Variants in PDHX observed in about 807,000 individuals in gnomAD.
PDHX encodes the protein pyruvate dehydrogenase complex component X, also known as pyruvate dehydrogenase protein X component, mitochondrial.
Under a neutral mutation model 55.3 loss-of-function variants are expected in PDHX, and 33 were observed. That is an observed-to-expected ratio of 0.60 (90% CI 0.45 to 0.80). The LOEUF is 0.80. Ranked by LOEUF, PDHX falls within the 30% of genes least tolerant of loss-of-function variation. The pLI is 0.00. For missense variants in PDHX, 622 were observed against 619.9 expected, an observed-to-expected ratio of 1.00 and a Z score of -0.04; for synonymous variants, 226 against 219.4, an observed-to-expected ratio of 1.03 and a Z score of -0.27.
chr11:34,916,328 T>C, upstream of PDHX: 1 of 1,606,014 alleles, frequency 6.2e-7, no homozygotes, highest in South Asian at 1.1e-5. Flanking sequence ...TCCGCACGGC[T>C]TTGCGCGCGG....
chr11:34,993,386 T>C (rs1254817329), intron 10 of PDHX, among the ~76,000 whole-genome samples: 1 of 152,180 alleles, frequency 6.6e-6, no homozygotes, highest in Non-Finnish European at 1.5e-5. Context: ...CTCAGAGTCA[T>C]GAAGTTACTC....
At position 34,960,480 on chromosome 11, in the gene PDHX, G is replaced by T; in HGVS notation, c.603G>T (p.Gln201His). 6.2e-7 allele frequency: 1 copy of T among 1,613,200 alleles called. No homozygotes were observed. ...ILEKHSLDAS[Q>H]GTATGPRGIF... Reference sequence around the variant, plus strand: ...AAAAACACTCACTGGATGCTAGCCAGGGCACAGCCACTGGCCCTCGGGGGA... The same window carrying T: ...AAAAACACTCACTGGATGCTAGCCATGGCACAGCCACTGGCCCTCGGGGGA... The change falls in exon 5 of 11, where the codon CAG becomes CAT. Residue 201 changes from glutamine to histidine, a missense_variant. By Grantham distance (24) the Gln-to-His change is conservative (BLOSUM62 0). Coordinates refer to ENST00000227868, the MANE Select transcript of PDHX (RefSeq NM_003477.3).
Position 34,925,087 on chromosome 11 carries a change from G to GT in PDHX, c.161-6311dup, listed in dbSNP as rs531969336. The stretch of plus-strand genomic sequence containing the variant: ...TTGCTGCCCTTTAAATTTTTAGTTA[G>GT]TTTTTTCTGTGATAATTTCTAATTT... On this transcript the variant is annotated intron_variant, in intron 1 of 10. Transcript: ENST00000227868. 2.1e-3 allele frequency among the ~76,000 whole-genome samples: 320 copies of GT among 152,208 alleles called. 3 individuals carry two copies. Among genetic ancestry groups the GT allele is most frequent in the African/African-American group, 7.3e-3 (304 of 41,526 alleles).
At chr11:34,988,184 G>A (rs531058316) in intron 9 of PDHX, among the ~76,000 whole-genome samples, 1 of 152,208 alleles carries the variant, frequency 6.6e-6, no homozygotes, top group East Asian at 1.9e-4. Flanking sequence ...CTTGTTTAAA[G>A]ACATGCAAGT....
At chr11:34,968,489 A>G (rs750153061) in intron 6 of PDHX, among the ~76,000 whole-genome samples, 2 of 152,210 alleles carry the variant, frequency 1.3e-5, no homozygotes, top group Non-Finnish European at 2.9e-5. Context: ...CAAGAAAGGA[A>G]TTAGATATAA....
chr11:34,938,751 G>A (rs187175566), intron 2 of PDHX, among the ~76,000 whole-genome samples: 1 of 152,314 alleles, frequency 6.6e-6, no homozygotes, highest in African/African-American at 2.4e-5. Context: ...GTTAGAATAT[G>A]AGCAGTAAGA....
At chr11:34,974,795 C>T (rs1432363666) in intron 7 of PDHX, among the ~76,000 whole-genome samples, 2 of 152,140 alleles carry the variant, frequency 1.3e-5, no homozygotes, top group Admixed American at 6.6e-5. Context: ...GTAGTCCCAG[C>T]TACTTGGGAG....
At chr11:34,948,509 C>CTT (rs1854678811) in intron 3 of PDHX, among the ~76,000 whole-genome samples, 1 of 151,560 alleles carries the variant, frequency 6.6e-6, no homozygotes, top group Non-Finnish European at 1.5e-5. Flanking sequence ...ATGCTATACT[C>CTT]TAACTAGGTG....
chr11:34,957,438 GA>G lies in PDHX; in HGVS notation c.399del (p.Glu134LysfsTer14). ...AGGTTCACTAATTGGTTTGATAGTA[GA>G]AGAAGGAGAAGATTGGAAACATGTT... ...RLGSLIGLIVEEGEDWKHVEI... is the reference protein window; with the variant it reads ...RLGSLIGLIVXEGEDWKHVEI... On this transcript the variant is annotated frameshift_variant, in exon 4 of 11. Coordinates refer to ENST00000227868, the MANE Select transcript of PDHX (RefSeq NM_003477.3). LOFTEE classifies it high-confidence loss of function. The G allele has an allele frequency of 6.2e-7, 1 of 1,613,542 alleles. No homozygotes were observed. The highest frequency in any genetic ancestry group is 1.3e-5 in the African/African-American group (1 of 74,988).
rs774504089 is a variant in PDHX at position 34,916,717 on chromosome 11, C to G, written c.62C>G (p.Pro21Arg). 1.9e-6 allele frequency: 3 copies of G among 1,613,384 alleles called. No individual in the cohort carries two copies. Among genetic ancestry groups the G allele is most frequent in the Non-Finnish European group, 2.5e-6 (3 of 1,179,916 alleles). ...PRLLRYLVGF[P>R]GRRSVGLVKG... The stretch of plus-strand genomic sequence containing the variant: ...CTGCTGCGTTATCTTGTGGGCTTCC[C>G]CGGCCGCCGAAGCGTAGGGCTGGTG... Residue 21 changes from proline (P) to arginine (R), a missense_variant, in exon 1 of 11, where the codon CCC (proline) becomes CGC (arginine). Pro to Arg is a moderately radical substitution (Grantham distance 103). Coordinates refer to ENST00000227868, the MANE Select transcript of PDHX (RefSeq NM_003477.3).
intron 1 of PDHX, among the ~76,000 whole-genome samples, chr11:34,917,930 A>G (rs1328645160): frequency 2.6e-5 from 4 of 152,188 alleles, no homozygotes; most frequent in Non-Finnish European, 5.9e-5. Flanking sequence ...AGGAATCTGC[A>G]TTTTACAAAT....
At chr11:34,970,845 C>T (rs774226355) in intron 7 of PDHX, among the ~76,000 whole-genome samples, 1 of 152,084 alleles carries the variant, frequency 6.6e-6, no homozygotes, top group Non-Finnish European at 1.5e-5. Flanking sequence ...ACTTCTGGTT[C>T]CAAGTATTTT....
At chr11:34,931,531 A>ATTT (rs763349596) in intron 2 of PDHX, 47 bp downstream of exon 2, 3 of 972,826 alleles carry the variant, frequency 3.1e-6, no homozygotes, top group Non-Finnish European at 4.6e-6. Flanking sequence ...TTATTTGGTT[A>ATTT]TTTTGTTTTG....
chr11:34,970,249 T>A lies in PDHX; in HGVS notation c.927T>A (p.Leu309=), dbSNP rs564799362. 6.2e-7 allele frequency: 1 copy of A among 1,613,884 alleles called. No individual in the cohort carries two copies. The highest frequency in any genetic ancestry group is 8.5e-7 in the Non-Finnish European group (1 of 1,179,806). The change falls in exon 7 of 11, where the codon CTT becomes CTA. Residue 309 remains leucine, a synonymous_variant. Coordinates refer to ENST00000227868, the MANE Select transcript of PDHX (RefSeq NM_003477.3). ...CATATGCTACTGCTGACTGTGACCT[T>A]GGAGCTGTTTTAAAAGTTAGGCAAG... is the stretch of plus-strand genomic sequence containing the variant. The part of the protein sequence containing the change: ...PHAYATADCD[L]GAVLKVRQDL...
intron 1 of PDHX, among the ~76,000 whole-genome samples, chr11:34,917,955 G>A (rs1237917629): frequency 6.6e-6 from 1 of 152,126 alleles, no homozygotes; most frequent in Non-Finnish European, 1.5e-5. Flanking sequence ...GATGAGTTTT[G>A]ATGTTTTATT....
At chr11:34,956,854 A>G (rs374843226) in intron 3 of PDHX, among the ~76,000 whole-genome samples, 3 of 152,332 alleles carry the variant, frequency 2.0e-5, no homozygotes, top group African/African-American at 2.4e-5. Context: ...TAACTGGAAT[A>G]GTTAACCAGT....
At chr11:34,939,517 G>A (rs12385808) in intron 2 of PDHX, among the ~76,000 whole-genome samples, 28,581 of 151,438 alleles carry the variant, frequency 0.19, 3,886 homozygotes, top group African/African-American at 0.39. Context: ...ACTTGCATGC[G>A]CGCAGCGTTT....
intron 1 of PDHX, among the ~76,000 whole-genome samples, chr11:34,930,106 T>C (rs1417212318): frequency 6.6e-6 from 1 of 152,208 alleles, no homozygotes; most frequent in East Asian, 1.9e-4. Context: ...CCTGTGGAGC[T>C]GCTTTTGAAA....
Position 34,994,937 on chromosome 11 carries a change from G to A in PDHX, c.1271G>A (p.Gly424Asp). The stretch of plus-strand genomic sequence containing the variant: ...AGTATTTCCAACTTGGGGATGTTTG[G>A]CATCGACGAATTTACTGCAGTGATT... ...SFSISNLGMF[G>D]IDEFTAVINP... The change falls in exon 11 of 11, where the codon GGC becomes GAC. Residue 424 changes from glycine to aspartate, a missense_variant. By Grantham distance (94) the Gly-to-Asp change is moderately conservative. Coordinates refer to ENST00000227868, the MANE Select transcript of PDHX (RefSeq NM_003477.3). 1 of 1,613,862 alleles carries A rather than the reference G, an allele frequency of 6.2e-7. No homozygotes were observed. Among genetic ancestry groups the A allele is most frequent in the South Asian group, 1.1e-5 (1 of 91,082 alleles).
Sources: gnomAD v4.1 joint callset for allele counts (sites outside exome capture counted in the v4.1 genomes callset) on GRCh38, gnomAD v4.1.1 for gene constraint, MANE v1.5 for transcripts, NCBI Gene and HGNC (gene_info 2026-07-23, HGNC 2026-07-21) for gene names.